HDAC9: variants seen among roughly 807,000 people sequenced by gnomAD.
The protein encoded by HDAC9 is MEF-2 interacting transcription repressor (MITR) protein.
In HDAC9, 41 loss-of-function variants were observed where a neutral mutation model predicts 139.4. That is an observed-to-expected ratio of 0.29 (90% CI 0.23 to 0.38). The LOEUF (loss-of-function observed/expected upper bound fraction) is 0.38. Among genes scored for constraint, HDAC9 ranks in the 10% least tolerant of loss-of-function variants. The pLI, the probability that HDAC9 is intolerant of heterozygous loss-of-function variation, is 1.00. For synonymous variants in HDAC9, 517 were observed against 476.2 expected, an observed-to-expected ratio of 1.09 and a Z score of -1.12; for missense variants, 1,147 against 1,297.0, an observed-to-expected ratio of 0.88 and a Z score of 1.78.
intron 25 of HDAC9, among the ~76,000 whole-genome samples, chr7:18,995,104 T>G (rs1039192822): frequency 3.3e-5 from 5 of 152,232 alleles, no homozygotes; most frequent in African/African-American, 1.2e-4. Flanking sequence ...CTTTATTTTT[T>G]AACCTTTGCT....
chr7:18,143,650 G>A (rs1240436760), intron 1 of HDAC9, among the ~76,000 whole-genome samples: 2 of 152,050 alleles, frequency 1.3e-5, no homozygotes. Flanking sequence ...GCTAGGCGTG[G>A]TGGCGGGCAC....
At chr7:18,929,733 C>T (rs979881116) in intron 22 of HDAC9, among the ~76,000 whole-genome samples, 18 of 151,982 alleles carry the variant, frequency 1.2e-4, no homozygotes, top group Non-Finnish European at 1.6e-4. Flanking sequence ...GTCAAGAGAT[C>T]GAGACTATCC....
At chr7:18,995,889 T>C (rs974704251) in intron 25 of HDAC9, 134 bp from the exon 26 acceptor site, 3 of 617,630 alleles carry the variant, frequency 4.9e-6, no homozygotes, top group African/African-American at 1.9e-5. Flanking sequence ...GGAAAGAAAT[T>C]CTATTTATGG....
intron 1 of HDAC9, among the ~76,000 whole-genome samples, chr7:18,149,527 T>A (rs1425036716): frequency 6.7e-6 from 1 of 150,270 alleles, no homozygotes; most frequent in African/African-American, 2.4e-5. Flanking sequence ...GGCTAAGGTT[T>A]TTTATTTATT....
intron 2 of HDAC9, among the ~76,000 whole-genome samples, chr7:18,171,775 C>A (rs2128134103): frequency 6.6e-6 from 1 of 152,296 alleles, no homozygotes; most frequent in South Asian, 2.1e-4. Context: ...TTGAACCAGC[C>A]TTGCATCCCA....
At position 18,647,927 on chromosome 7, in the gene HDAC9, G is replaced by A; in HGVS notation, c.1178G>A (p.Ser393Asn). The change falls in exon 10 of 26, where the codon AGC becomes AAC. Residue 393 changes from serine (S) to asparagine (N), a missense_variant. By Grantham distance (46) the Ser-to-Asn change is conservative (BLOSUM62 1). Transcript: ENST00000686413. ...ACTTTAGAGGGAAAGCCACCCAACA[G>A]CAGCCACCAGGCTCTCCTGCAGCAT... ...HVTLEGKPPNSSHQALLQHLL... is the reference protein window; with the variant it reads ...HVTLEGKPPNNSHQALLQHLL... 1 of 1,612,886 alleles carries A rather than the reference G, an allele frequency of 6.2e-7. No individual in the cohort carries two copies. Among genetic ancestry groups the A allele is most frequent in the East Asian group, 2.2e-5 (1 of 44,658 alleles).
intron 16 of HDAC9, among the ~76,000 whole-genome samples, chr7:18,779,398 A>T (rs1397918701): frequency 1.3e-5 from 2 of 152,068 alleles, no homozygotes; most frequent in African/African-American, 4.8e-5. Context: ...GCAATAAAGA[A>T]TATCAGAGGT....
chr7:18,781,395 A>C (rs1038497127), intron 16 of HDAC9, among the ~76,000 whole-genome samples: 6 of 151,926 alleles, frequency 3.9e-5, no homozygotes, highest in Admixed American at 3.9e-4. Flanking sequence ...AGTTCAGTTT[A>C]CTCTTCTGTA....
At chr7:18,780,476 G>T (rs1791154130) in intron 16 of HDAC9, among the ~76,000 whole-genome samples, 1 of 151,952 alleles carries the variant, frequency 6.6e-6, no homozygotes, top group South Asian at 2.1e-4. Context: ...CAGAGATCCA[G>T]GGCACTGGGG....
chr7:18,275,121 G>A (rs1372143143), intron 2 of HDAC9, among the ~76,000 whole-genome samples: 6 of 152,134 alleles, frequency 3.9e-5, no homozygotes. Flanking sequence ...TACACACAGT[G>A]TTTCCCATAT....
intron 1 of HDAC9, among the ~76,000 whole-genome samples, chr7:18,440,140 T>C (rs140223709): frequency 2.5e-3 from 384 of 152,164 alleles, no homozygotes; most frequent in Non-Finnish European, 4.7e-3. Context: ...GTTTTGTCTT[T>C]GGGATACTGT....
chr7:18,447,806 A>G (rs1792433586), intron 1 of HDAC9, among the ~76,000 whole-genome samples: 1 of 152,142 alleles, frequency 6.6e-6, no homozygotes, highest in Non-Finnish European at 1.5e-5. Flanking sequence ...ATGTATTCCT[A>G]TTAGAATATA....
chr7:18,195,755 C>CT, intron 2 of HDAC9, among the ~76,000 whole-genome samples: 1 of 152,192 alleles, frequency 6.6e-6, no homozygotes, highest in East Asian at 1.9e-4. Flanking sequence ...ATTTAATCCT[C>CT]TTTTTTGCAG....
intron 1 of HDAC9, among the ~76,000 whole-genome samples, chr7:18,396,430 A>G (rs528732242): frequency 1.2e-4 from 19 of 152,190 alleles, no homozygotes; most frequent in Admixed American, 1.2e-3. Context: ...TCAGCACAGG[A>G]TATATAGTTA....
intron 6 of HDAC9, among the ~76,000 whole-genome samples, chr7:18,628,277 C>T (rs1428800543): frequency 6.6e-6 from 1 of 152,166 alleles, no homozygotes; most frequent in African/African-American, 2.4e-5. Flanking sequence ...CCTTTTACCT[C>T]TGTAACCTTG....
At chr7:18,689,404 A>C (rs139262801) in intron 12 of HDAC9, among the ~76,000 whole-genome samples, 51 of 152,106 alleles carry the variant, frequency 3.4e-4, no homozygotes, top group African/African-American at 1.2e-3. Flanking sequence ...CACAAGGGTC[A>C]ATGGTAATTG....
intron 12 of HDAC9, among the ~76,000 whole-genome samples, chr7:18,696,381 TAAC>T (rs1562859862): frequency 2.0e-5 from 3 of 148,386 alleles, no homozygotes; most frequent in South Asian, 2.1e-4. Flanking sequence ...TATAGTATAA[TAAC>T]ATATTATACT....
chr7:18,491,222 A>T (rs560917551), upstream of HDAC9, among the ~76,000 whole-genome samples: 1 of 151,984 alleles, frequency 6.6e-6, no homozygotes, highest in Non-Finnish European at 1.5e-5. Flanking sequence ...AACATTCTTT[A>T]TATTTATTTA....
intron 1 of HDAC9, among the ~76,000 whole-genome samples, chr7:18,129,537 A>G (rs1784878864): frequency 6.6e-6 from 1 of 152,176 alleles, no homozygotes; most frequent in African/African-American, 2.4e-5. Context: ...GATTCTGTCC[A>G]GTTTTTAATA....
Sources: allele counts gnomAD v4.1 joint callset (sites outside exome capture counted in the v4.1 genomes callset), GRCh38; gene constraint gnomAD v4.1.1; transcripts MANE v1.5; gene names NCBI Gene and HGNC (gene_info 2026-07-23, HGNC 2026-07-21).